PARD3B: variants seen among roughly 807,000 people sequenced by gnomAD.
The protein encoded by PARD3B is partitioning defective 3 homolog B.
In PARD3B, 103 loss-of-function variants were observed where a neutral mutation model predicts 130.2. The ratio of observed to expected loss-of-function variants is 0.79; its 90% CI spans 0.67 to 0.93. PARD3B has a LOEUF of 0.93. PARD3B is among the 40% of genes least tolerant of loss of function. The probability of loss-of-function intolerance (pLI) is 0.00; values close to 1 mark genes in which losing one functional copy is unlikely to be tolerated. For missense variants in PARD3B, 1,609 were observed against 1,499.2 expected, an observed-to-expected ratio of 1.07 and a Z score of -1.21; for synonymous variants, 583 against 553.2, an observed-to-expected ratio of 1.05 and a Z score of -0.76.
In PARD3B at chr2:205,400,468, C is replaced by A. The variant is rs2046209233; in HGVS notation, c.2631-545C>A. Reference sequence around the variant, plus strand: ...CCAGTCTCGCCAACGTGGTGAAACCCCGTCTCTACTAAAAATACAAAAATT... The same window carrying A: ...CCAGTCTCGCCAACGTGGTGAAACCACGTCTCTACTAAAAATACAAAAATT... On this transcript the variant is annotated intron_variant, in intron 18 of 22. Coordinates refer to ENST00000406610, the MANE Select transcript of PARD3B (RefSeq NM_001302769.2). Among the ~76,000 whole-genome samples, 3 of 152,016 alleles carry A rather than the reference C, an allele frequency of 2.0e-5. No individual in the cohort carries two copies. The South Asian group carries it at 6.2e-4, about 32-fold the overall frequency.
chr2:205,279,136 AT>A (rs1315082528), intron 16 of PARD3B, among the ~76,000 whole-genome samples: 1 of 151,228 alleles, frequency 6.6e-6, no homozygotes, highest in Non-Finnish European at 1.5e-5. Flanking sequence ...ATTATACTAA[AT>A]TTTCCCCCCA....
In PARD3B at chr2:205,274,192, A is replaced by G. The variant is rs1013547503; in HGVS notation, c.2186-26338A>G. On this transcript the variant is annotated intron_variant, in intron 16 of 22. Transcript: ENST00000406610. This position sits in a 1 kb window ranked among gnomAD's most constrained non-coding sequence, Gnocchi z 4.2. ...ATTGCCTATAATTTTCATATATATT[A>G]TAACCTCTGAAGAGAATTTAGTACC... is the stretch of plus-strand genomic sequence containing the variant. Among the ~76,000 whole-genome samples the G allele has an allele frequency of 6.6e-6, 1 of 152,132 alleles. No homozygotes were observed. The highest frequency in any genetic ancestry group is 2.4e-5 in the African/African-American group (1 of 41,426).
intron 1 of PARD3B, among the ~76,000 whole-genome samples, chr2:204,631,677 A>G (rs1376653115): frequency 6.6e-6 from 1 of 152,020 alleles, no homozygotes; most frequent in East Asian, 1.9e-4. Context: ...CAGACTTTTT[A>G]ATGTGGTTGC....
intron 2 of PARD3B, among the ~76,000 whole-genome samples, chr2:204,963,755 T>C (rs552256756): frequency 6.6e-6 from 1 of 152,304 alleles, no homozygotes; most frequent in East Asian, 1.9e-4. Flanking sequence ...TTATCTCCAA[T>C]AAGTTCATCA....
chr2:205,564,943 A>G lies in PARD3B; in HGVS notation c.3260+11540A>G, dbSNP rs1168891516. 6.6e-6 allele frequency among the ~76,000 whole-genome samples: 1 copy of G among 152,194 alleles called. No individual in the cohort carries two copies. The highest frequency in any genetic ancestry group is 2.4e-5 in the African/African-American group (1 of 41,458). Reference sequence around the variant, plus strand: ...TCACCAGAGGGTTGCCCCACTCTGCAATCAGAACTGACCCTTATGGCCGAA... The same window carrying G: ...TCACCAGAGGGTTGCCCCACTCTGCGATCAGAACTGACCCTTATGGCCGAA... On this transcript the variant is annotated intron_variant, in intron 22 of 22. Coordinates refer to ENST00000406610, the MANE Select transcript of PARD3B (RefSeq NM_001302769.2). This position sits in a 1 kb window ranked among gnomAD's most constrained non-coding sequence, Gnocchi z 4.6.
intron 1 of PARD3B, among the ~76,000 whole-genome samples, chr2:204,568,342 C>A (rs982327511): frequency 6.6e-6 from 1 of 151,984 alleles, no homozygotes; most frequent in African/African-American, 2.4e-5. Flanking sequence ...TTAACAATAA[C>A]AGAAAAAGAA....
At chr2:205,418,995 A>T (rs929515206) in intron 19 of PARD3B, among the ~76,000 whole-genome samples, 15 of 152,188 alleles carry the variant, frequency 9.9e-5, no homozygotes, top group Non-Finnish European at 8.8e-5. Context: ...GTTTGGCCAA[A>T]ATATTTCTAT....
chr2:205,224,873 C>T (rs931636096), intron 15 of PARD3B, among the ~76,000 whole-genome samples: 1 of 152,042 alleles, frequency 6.6e-6, no homozygotes, highest in East Asian at 1.9e-4. Flanking sequence ...ACTGGCCATT[C>T]AAGCCAACAT....
At chr2:205,391,489 G>T (rs1284068172) in intron 18 of PARD3B, among the ~76,000 whole-genome samples, 1 of 152,126 alleles carries the variant, frequency 6.6e-6, no homozygotes, top group Non-Finnish European at 1.5e-5. Context: ...AAAAAGAAAA[G>T]CTTTTTTAAC....
rs917529186 is a variant in PARD3B at position 205,116,232 on chromosome 2, G to A, written c.680+2655G>A. Among the ~76,000 whole-genome samples, 2 of 152,132 alleles carry A rather than the reference G, an allele frequency of 1.3e-5. No homozygotes were observed. The highest frequency in any genetic ancestry group is 4.8e-5 in the African/African-American group (2 of 41,416). On this transcript the variant is annotated intron_variant, in intron 6 of 22. Transcript: ENST00000406610. The surrounding 1 kb of genome is among the most constrained non-coding windows in gnomAD (Gnocchi z 4.5). ...TGTGGTTTTTGTGAATTAAAAACAT[G>A]AAATCTAATTCGTTTCAGTACAGAT... is the stretch of plus-strand genomic sequence containing the variant.
rs926947832 is a variant in PARD3B, at chr2:205,463,701, T to A, written c.3044+23029T>A. 6.6e-6 allele frequency among the ~76,000 whole-genome samples: 1 copy of A among 152,150 alleles called. No homozygotes were observed. Among genetic ancestry groups the A allele is most frequent in the Admixed American group, 6.6e-5 (1 of 15,264 alleles). Reference sequence around the variant, plus strand: ...GTTGCTGAAGAAAAGCTGTTAAAAATTATGTTTATAGGCCAGTCACTTGCA... The same window carrying A: ...GTTGCTGAAGAAAAGCTGTTAAAAAATATGTTTATAGGCCAGTCACTTGCA... On this transcript the variant is annotated intron_variant, in intron 20 of 22. Transcript: ENST00000406610. The surrounding 1 kb of genome is among the most constrained non-coding windows in gnomAD (Gnocchi z 4.8).
At chr2:204,791,832 GT>G (rs2042216533) in intron 2 of PARD3B, among the ~76,000 whole-genome samples, 1 of 152,134 alleles carries the variant, frequency 6.6e-6, no homozygotes, top group Admixed American at 6.5e-5. Flanking sequence ...GAATTGCCTA[GT>G]TATGATCTCA....
chr2:204,682,372 G>A (rs2036875307), intron 1 of PARD3B, among the ~76,000 whole-genome samples: 1 of 152,046 alleles, frequency 6.6e-6, no homozygotes, highest in Admixed American at 6.6e-5. Flanking sequence ...TCTGTAAGAT[G>A]GATTAACTGT....
At chr2:205,030,953 G>A (rs1471635066) in intron 3 of PARD3B, among the ~76,000 whole-genome samples, 1 of 152,148 alleles carries the variant, frequency 6.6e-6, no homozygotes, top group African/African-American at 2.4e-5. Flanking sequence ...ATTGTGGAAT[G>A]TAAGTCCAGC....
chr2:204,839,389 G>A (rs1464049937), intron 2 of PARD3B, among the ~76,000 whole-genome samples: 3 of 152,080 alleles, frequency 2.0e-5, no homozygotes, highest in African/African-American at 7.2e-5. Flanking sequence ...GTAGTTTCAG[G>A]AAAACACTTA....
chr2:205,549,685 G>C (rs552824846), intron 21 of PARD3B, among the ~76,000 whole-genome samples: 5 of 152,288 alleles, frequency 3.3e-5, no homozygotes, highest in African/African-American at 9.6e-5. Flanking sequence ...AAAATTCTCT[G>C]TATGGTACAG....
intron 2 of PARD3B, among the ~76,000 whole-genome samples, chr2:204,860,158 T>C (rs1202957450): frequency 6.6e-6 from 1 of 152,170 alleles, no homozygotes; most frequent in African/African-American, 2.4e-5. Flanking sequence ...GCTATAAAAA[T>C]GTGTTATATC....
rs147443495 is a variant in PARD3B at position 205,136,919 on chromosome 2, C to T, written c.1434+11182C>T. 1.2e-4 allele frequency among the ~76,000 whole-genome samples: 18 copies of T among 152,250 alleles called. No homozygotes were observed. The East Asian group carries it at 3.5e-3, about 29-fold the overall frequency. ...GTATTTACTGAACACCTACTATTCCCAGTTTAGCTGATCAAATATTTATTG... is the reference window on the plus strand; with the variant it reads ...GTATTTACTGAACACCTACTATTCCTAGTTTAGCTGATCAAATATTTATTG... On this transcript the variant is annotated intron_variant, in intron 10 of 22. Coordinates refer to ENST00000406610, the MANE Select transcript of PARD3B (RefSeq NM_001302769.2).
chr2:205,594,872 A>G (rs2054513795), intron 22 of PARD3B, among the ~76,000 whole-genome samples: 2 of 152,188 alleles, frequency 1.3e-5, no homozygotes, highest in Admixed American at 1.3e-4. Context: ...TTACAAATGT[A>G]TTTGCTTGTT....
Sources: gnomAD v4.1 joint callset for allele counts (sites outside exome capture counted in the v4.1 genomes callset) on GRCh38, gnomAD v4.1.1 for gene constraint, Gnocchi (gnomAD v3.1) non-coding constraint, MANE v1.5 for transcripts, NCBI Gene and HGNC (gene_info 2026-07-23, HGNC 2026-07-21) for gene names.